Variants in TNFSF4 observed in about 807,000 individuals in gnomAD.
TNFSF4 encodes the protein TNF superfamily member 4.
In TNFSF4, 4 loss-of-function variants were observed where a neutral mutation model predicts 7.3. The observed-to-expected ratio is 0.55, with a 90% CI of 0.27 to 1.25. The LOEUF is 1.25. Ranked by LOEUF, TNFSF4 falls within the 50% of genes most tolerant of loss-of-function variation. The probability of loss-of-function intolerance (pLI) is 0.12; values close to 1 mark genes in which losing one functional copy is unlikely to be tolerated. For missense variants in TNFSF4, 181 were observed against 208.8 expected (o/e 0.87, Z 0.82); for synonymous variants, 76 against 83.7 (o/e 0.91, Z 0.50).
At chr1:173,439,887 GC>G in the TNFSF4 span, among the ~76,000 whole-genome samples, 2 of 152,178 alleles carry the variant, frequency 1.3e-5, no homozygotes, top group Non-Finnish European at 2.9e-5. Flanking sequence ...ACAGAAGAAA[GC>G]TTACATGCTG....
chr1:173,413,938 C>G, the TNFSF4 span, among the ~76,000 whole-genome samples: 1 of 152,182 alleles, frequency 6.6e-6, no homozygotes, highest in African/African-American at 2.4e-5. Context: ...GAATTTTCCA[C>G]ACCATCATAT....
the TNFSF4 span, among the ~76,000 whole-genome samples, chr1:173,240,308 C>T: frequency 6.6e-6 from 1 of 152,192 alleles, no homozygotes; most frequent in African/African-American, 2.4e-5. Flanking sequence ...TATTTCCCAT[C>T]TACAATCCCA....
At chr1:173,309,907 T>C in the TNFSF4 span, among the ~76,000 whole-genome samples, 1 of 151,928 alleles carries the variant, frequency 6.6e-6, no homozygotes, top group Non-Finnish European at 1.5e-5. Flanking sequence ...AAATCTGGTA[T>C]TTGTATTTTG....
chr1:173,379,840 A>T, the TNFSF4 span, among the ~76,000 whole-genome samples: 1 of 152,210 alleles, frequency 6.6e-6, no homozygotes, highest in Middle Eastern at 3.2e-3. Flanking sequence ...TCCAATGAGA[A>T]ACAAGCCACC....
chr1:173,174,767 A>G, the TNFSF4 span, among the ~76,000 whole-genome samples: 2 of 152,164 alleles, frequency 1.3e-5, no homozygotes, highest in African/African-American at 4.8e-5. Context: ...AAACCATATC[A>G]ATTGCTGTCT....
the TNFSF4 span, among the ~76,000 whole-genome samples, chr1:173,410,841 A>T: frequency 6.6e-6 from 1 of 152,174 alleles, no homozygotes; most frequent in African/African-American, 2.4e-5. Flanking sequence ...CTCTGTGTAC[A>T]GCTTTAAACC....
chr1:173,360,270 T>A, the TNFSF4 span, among the ~76,000 whole-genome samples: 1 of 152,232 alleles, frequency 6.6e-6, no homozygotes, highest in Admixed American at 6.5e-5. Flanking sequence ...TGGCTTCCCA[T>A]TCTCCTGGAC....
the TNFSF4 span, among the ~76,000 whole-genome samples, chr1:173,254,630 C>T: frequency 3.3e-5 from 5 of 152,192 alleles, no homozygotes; most frequent in East Asian, 9.6e-4. Context: ...TTTTTTAATA[C>T]CTATTTCTCA....
chr1:173,411,499 T>C, the TNFSF4 span, among the ~76,000 whole-genome samples: 2 of 152,194 alleles, frequency 1.3e-5, no homozygotes, highest in East Asian at 3.8e-4. Flanking sequence ...CAATAAAATA[T>C]TTGATCAAGA....
upstream of TNFSF4, among the ~76,000 whole-genome samples, chr1:173,211,859 C>T (rs149242667): frequency 7.7e-4 from 117 of 152,230 alleles, no homozygotes; most frequent in East Asian, 0.022. Flanking sequence ...GATTCTGACT[C>T]CTAATACCTT....
chr1:173,259,894 G>A, the TNFSF4 span, among the ~76,000 whole-genome samples: 1 of 152,098 alleles, frequency 6.6e-6, no homozygotes, highest in Non-Finnish European at 1.5e-5. Flanking sequence ...CAGGGAGAAT[G>A]GAACAAAGAT....
chr1:173,320,057 G>A, the TNFSF4 span, among the ~76,000 whole-genome samples: 3 of 152,174 alleles, frequency 2.0e-5, no homozygotes, highest in Non-Finnish European at 4.4e-5. Flanking sequence ...CAATATCCCT[G>A]ATGAACATGG....
At chr1:173,227,558 C>T in the TNFSF4 span, among the ~76,000 whole-genome samples, 1 of 152,172 alleles carries the variant, frequency 6.6e-6, no homozygotes, top group Non-Finnish European at 1.5e-5. Context: ...CTCACTGGGG[C>T]TTGTCAGACA....
At chr1:173,390,639 A>G in the TNFSF4 span, among the ~76,000 whole-genome samples, 1 of 152,226 alleles carries the variant, frequency 6.6e-6, no homozygotes, top group Admixed American at 6.5e-5. Flanking sequence ...CCTCTTCTCA[A>G]ACCTAAATCA....
At chr1:173,383,137 T>C in the TNFSF4 span, among the ~76,000 whole-genome samples, 6,795 of 152,236 alleles carry the variant, frequency 0.045, 535 homozygotes, top group African/African-American at 0.15. Flanking sequence ...TGGGGGGATC[T>C]AATTAGCTGC....
the TNFSF4 span, among the ~76,000 whole-genome samples, chr1:173,288,820 G>T: frequency 2.0e-5 from 3 of 151,838 alleles, no homozygotes; most frequent in Admixed American, 6.6e-5. Context: ...TACCAATCAG[G>T]ACTGCCACTT....
At chr1:173,330,342 T>C in the TNFSF4 span, among the ~76,000 whole-genome samples, 3 of 150,620 alleles carry the variant, frequency 2.0e-5, no homozygotes, top group East Asian at 1.9e-4. Flanking sequence ...TATATTGTTA[T>C]ATATGTTTTG....
At chr1:173,243,328 CTT>C in the TNFSF4 span, among the ~76,000 whole-genome samples, 2 of 152,138 alleles carry the variant, frequency 1.3e-5, no homozygotes, top group African/African-American at 2.4e-5. Flanking sequence ...TTTCATCCCC[CTT>C]ATCCCAACCA....
the TNFSF4 span, among the ~76,000 whole-genome samples, chr1:173,391,628 T>C: frequency 0.033 from 5,029 of 151,944 alleles, 114 homozygotes; most frequent in Non-Finnish European, 0.051. Context: ...CCTGAGAAAG[T>C]CAGTTTTATC....
Sources: gnomAD v4.1 joint callset for allele counts (sites outside exome capture counted in the v4.1 genomes callset) on GRCh38, gnomAD v4.1.1 for gene constraint, MANE v1.5 for transcripts, NCBI Gene and HGNC (gene_info 2026-07-23, HGNC 2026-07-21) for gene names.